RALGPS1: variants seen among roughly 807,000 people sequenced by gnomAD.
The protein encoded by RALGPS1 is ras-specific guanine nucleotide-releasing factor RalGPS1.
RALGPS1 carries 19 observed loss-of-function variants against 78.8 expected under a neutral mutation model. That is an observed-to-expected ratio of 0.24 (90% CI 0.17 to 0.35). The LOEUF (loss-of-function observed/expected upper bound fraction) is 0.35, where lower values mean the gene tolerates loss of function less well. RALGPS1 is among the 10% of genes least tolerant of loss of function. The pLI is 1.00. For synonymous variants in RALGPS1, 228 were observed against 256.3 expected (o/e 0.89, Z 1.06); for missense variants, 454 against 688.3 (o/e 0.66, Z 3.81).
At chr9:127,140,867 C>T (rs1315222186) in intron 8 of RALGPS1, among the ~76,000 whole-genome samples, 1 of 152,158 alleles carries the variant, frequency 6.6e-6, no homozygotes, top group Admixed American at 6.5e-5. Context: ...GGCTGTGCTG[C>T]AGAGGCAGGC....
chr9:127,001,531 A>G (rs2043309197), intron 4 of RALGPS1, among the ~76,000 whole-genome samples: 2 of 152,162 alleles, frequency 1.3e-5, no homozygotes, highest in Non-Finnish European at 2.9e-5. Flanking sequence ...ACAACAGTGT[A>G]TGTCTATTTA....
At chr9:127,074,894 C>G (rs1038400056) in intron 8 of RALGPS1, among the ~76,000 whole-genome samples, 8 of 152,246 alleles carry the variant, frequency 5.3e-5, no homozygotes, top group Admixed American at 3.9e-4. Flanking sequence ...CACCTGTGTC[C>G]TCTGGCTATT....
chr9:126,937,542 C>A (rs1245497215), intron 1 of RALGPS1, among the ~76,000 whole-genome samples: 3 of 152,146 alleles, frequency 2.0e-5, no homozygotes, highest in Non-Finnish European at 4.4e-5. Flanking sequence ...GATGGGCAGT[C>A]TAGGGTTGGT....
Position 126,975,947 on chromosome 9 carries a change from T to A in RALGPS1, c.166-1748T>A, listed in dbSNP as rs576785034. ...CCATGAAGAACACTAGCTCCGCTCC[T>A]GGGAGAGTACAAAGAGGCTCTCCAC... On this transcript the variant is annotated intron_variant, in intron 3 of 18. Transcript: ENST00000259351. Among the ~76,000 whole-genome samples the A allele has an allele frequency of 1.1e-3, 175 of 152,272 alleles. 2 individuals are homozygous for A. The highest frequency in any genetic ancestry group is 2.2e-3 in the Non-Finnish European group (150 of 68,020).
chr9:127,167,295 C>T (rs982422870), intron 9 of RALGPS1, among the ~76,000 whole-genome samples: 8 of 152,286 alleles, frequency 5.3e-5, no homozygotes, highest in East Asian at 1.9e-4. Flanking sequence ...ACTTCAGGGC[C>T]GCTTTCCTCT....
intron 4 of RALGPS1, among the ~76,000 whole-genome samples, chr9:127,030,703 A>C (rs983297091): frequency 8.6e-5 from 13 of 151,482 alleles, no homozygotes; most frequent in Middle Eastern, 3.4e-3. Flanking sequence ...AGGAAGGAGA[A>C]ATTGGAGAGG....
chr9:127,186,392 G>A (rs2060645295), intron 11 of RALGPS1, among the ~76,000 whole-genome samples: 1 of 152,238 alleles, frequency 6.6e-6, no homozygotes, highest in African/African-American at 2.4e-5. Context: ...ACTGCACTCT[G>A]CTCAGCCCGC....
intron 8 of RALGPS1, among the ~76,000 whole-genome samples, chr9:127,112,706 CAGAAGCG>C: frequency 6.6e-6 from 1 of 152,334 alleles, no homozygotes; most frequent in Non-Finnish European, 1.5e-5. Flanking sequence ...GGAAGTGCAT[CAGAAGCG>C]GGAGATTGGA....
intron 5 of RALGPS1, among the ~76,000 whole-genome samples, chr9:127,038,232 G>C (rs1273485331): frequency 6.6e-6 from 1 of 152,104 alleles, no homozygotes; most frequent in Non-Finnish European, 1.5e-5. Context: ...TGAACTTATT[G>C]AATCAGATAC....
At chr9:127,140,068 T>C (rs1370364326) in intron 8 of RALGPS1, among the ~76,000 whole-genome samples, 1 of 152,188 alleles carries the variant, frequency 6.6e-6, no homozygotes, top group Non-Finnish European at 1.5e-5. Flanking sequence ...TCAGCTTTTG[T>C]ATATTATTAT....
In RALGPS1 at chr9:127,091,052, C is replaced by G. The variant is rs1320553486; in HGVS notation, c.610+21696C>G. On this transcript the variant is annotated intron_variant, in intron 8 of 18. Transcript: ENST00000259351. This position sits in a 1 kb window ranked among gnomAD's most constrained non-coding sequence, Gnocchi z 4.3. ...TCCTCTTAATAGCTTCCTCTCAGCA[C>G]TGCACTAGCATTACATGCAGTAACA... Among the ~76,000 whole-genome samples, 1 of 152,252 alleles carries G rather than the reference C, an allele frequency of 6.6e-6. No homozygotes were observed. The highest frequency in any genetic ancestry group is 1.5e-5 in the Non-Finnish European group (1 of 68,044).
At chr9:126,936,848 CCT>C in intron 1 of RALGPS1, among the ~76,000 whole-genome samples, 1 of 145,150 alleles carries the variant, frequency 6.9e-6, no homozygotes, top group African/African-American at 2.4e-5. Context: ...AGGAACGGCA[CCT>C]TTTTTTTTTT....
At chr9:127,069,155 A>G in intron 7 of RALGPS1, 75 bp from the exon 8 acceptor site, 4 of 1,387,788 alleles carry the variant, frequency 2.9e-6, no homozygotes, top group African/African-American at 2.9e-5. Flanking sequence ...TTTCCCTTTT[A>G]GTCTTCATCC....
chr9:127,127,868 A>T lies in RALGPS1; in HGVS notation c.611-38201A>T, dbSNP rs200888605. Among the ~76,000 whole-genome samples, 551 of 151,198 alleles carry T rather than the reference A, an allele frequency of 3.6e-3. 1 individual carries two copies. The highest frequency in any genetic ancestry group is 0.011 in the East Asian group (57 of 5,158). ...ACACGATTGTCCTGAAAAAAAAAAA[A>T]TTTTGCTTGTTTTTATTGTTATTAT... is the stretch of plus-strand genomic sequence containing the variant. On this transcript the variant is annotated intron_variant, in intron 8 of 18. Coordinates refer to ENST00000259351, the MANE Select transcript of RALGPS1 (RefSeq NM_014636.3).
intron 8 of RALGPS1, among the ~76,000 whole-genome samples, chr9:127,121,021 C>A (rs556693377): frequency 6.6e-6 from 1 of 150,896 alleles, no homozygotes; most frequent in Non-Finnish European, 1.5e-5. Flanking sequence ...TGAGTGGCTC[C>A]GGAGCCACAC....
In RALGPS1 at chr9:127,183,772, T is replaced by C; in HGVS notation, c.910+8990T>C. The C allele has an allele frequency of 9.3e-7, 1 of 1,070,342 alleles. No homozygotes were observed. Among genetic ancestry groups the C allele is most frequent in the South Asian group, 1.6e-5 (1 of 62,224 alleles). The allele number at this position is 1,070,342 out of a possible 1,614,324, so 66.3% of individuals were successfully genotyped here. A position where few individuals can be genotyped will look rare whatever the true frequency, so the allele number is the denominator to read the frequency against. On this transcript the variant is annotated intron_variant, in intron 11 of 18. Transcript: ENST00000259351. The surrounding 1 kb of genome is among the most constrained non-coding windows in gnomAD (Gnocchi z 4.0). The stretch of plus-strand genomic sequence containing the variant: ...TCTCTGCCCGTTTATATTTTCGGAA[T>C]GGATGGGTGGGAGGGGCCCTCCATG...
At chr9:127,159,200 T>C (rs1427703925) in intron 8 of RALGPS1, among the ~76,000 whole-genome samples, 1 of 152,216 alleles carries the variant, frequency 6.6e-6, no homozygotes, top group Non-Finnish European at 1.5e-5. Context: ...AGAACCCCAG[T>C]GCACGCTATG....
intron 5 of RALGPS1, among the ~76,000 whole-genome samples, chr9:127,039,766 G>A (rs926602238): frequency 3.3e-5 from 5 of 152,120 alleles, no homozygotes; most frequent in East Asian, 1.9e-4. Context: ...GCTTTTCTTC[G>A]TCAGTGAAAT....
chr9:127,030,553 A>T (rs12343848), intron 4 of RALGPS1, among the ~76,000 whole-genome samples: 13,285 of 152,128 alleles, frequency 0.087, 1,899 homozygotes, highest in African/African-American at 0.3. Flanking sequence ...GAAGGCAGGT[A>T]GGAGAGGGGA....
Sources: allele counts gnomAD v4.1 joint callset (sites outside exome capture counted in the v4.1 genomes callset), GRCh38; gene constraint gnomAD v4.1.1; non-coding constraint Gnocchi (gnomAD v3.1); transcripts MANE v1.5; gene names NCBI Gene and HGNC (gene_info 2026-07-23, HGNC 2026-07-21).